The following PFKFB4 variants were observed in gnomAD, a reference collection of about 807,000 sequenced individuals.
The protein encoded by PFKFB4 is 6-phosphofructo-2-kinase/fructose-2,6-bisphosphatase 4.
In PFKFB4, 42 loss-of-function variants were observed where a neutral mutation model predicts 62.8. The ratio of observed to expected loss-of-function variants is 0.67; its 90% confidence interval spans 0.52 to 0.86. The LOEUF (loss-of-function observed/expected upper bound fraction) is 0.86, where lower values mean the gene tolerates loss of function less well. Among genes scored for constraint, PFKFB4 ranks in the 40% least tolerant of loss-of-function variants. The pLI, the probability that PFKFB4 is intolerant of heterozygous loss-of-function variation, is 0.00. For missense variants in PFKFB4, 475 were observed against 627.2 expected (o/e 0.76, Z 2.59); for synonymous variants, 204 against 240.7 (o/e 0.85, Z 1.41).
intron 9 of PFKFB4, among the ~76,000 whole-genome samples, chr3:48,527,792 A>G (rs1029398804): frequency 2.0e-5 from 3 of 151,540 alleles, no homozygotes; most frequent in African/African-American, 7.3e-5. Flanking sequence ...TGTTTAAACA[A>G]TTCTCCTGCC....
At chr3:48,527,714 G>A (rs1394257219) in intron 9 of PFKFB4, among the ~76,000 whole-genome samples, 3 of 147,284 alleles carry the variant, frequency 2.0e-5, no homozygotes, top group African/African-American at 7.6e-5. Context: ...TTGAGACAGG[G>A]TCTCACTCTG....
upstream of PFKFB4, among the ~76,000 whole-genome samples, chr3:48,557,271 G>A (rs2043353574): frequency 6.6e-6 from 1 of 152,194 alleles, no homozygotes; most frequent in Non-Finnish European, 1.5e-5. Context: ...TTCATGCAGT[G>A]GGACGAGGCC....
intron 3 of PFKFB4, among the ~76,000 whole-genome samples, chr3:48,545,636 GTTT>G (rs371126898): frequency 7.1e-5 from 10 of 141,832 alleles, no homozygotes; most frequent in Admixed American, 5.6e-4. Context: ...TCTTTCTTTT[GTTT>G]TTTTTTTTTA....
intron 3 of PFKFB4, chr3:48,548,059 T>C (rs916633184): frequency 5.3e-5 from 8 of 152,178 alleles, no homozygotes; most frequent in Non-Finnish European, 1.2e-4. Context: ...CCAGCTTCTG[T>C]TGCAGGGTGA....
chr3:48,536,088 G>GA, intron 8 of PFKFB4, among the ~76,000 whole-genome samples, 168 bp downstream of exon 8: 1 of 152,344 alleles, frequency 6.6e-6, no homozygotes, highest in Non-Finnish European at 1.5e-5. Context: ...GTTGCTTGAT[G>GA]ACCTTCCCTA....
chr3:48,543,798 G>T (rs1333686300), intron 3 of PFKFB4, 152 bp from the exon 4 acceptor site: 2 of 681,658 alleles, frequency 2.9e-6, no homozygotes, highest in Admixed American at 4.4e-5. Context: ...CTTTCCTTAG[G>T]ATAATGTTCA....
rs1468833177 is a variant in PFKFB4, at chr3:48,517,901, A to C, written c.*1846T>G. On this transcript the variant is annotated 3_prime_UTR_variant, in exon 14 of 14. Coordinates refer to ENST00000232375, the MANE Select transcript of PFKFB4 (RefSeq NM_004567.4). ...GGGGGTTGCCCCCACTCATGCCCTGATCCCTGGATGTCCCTCTACCCTGTC... is the reference window on the plus strand; with the variant it reads ...GGGGGTTGCCCCCACTCATGCCCTGCTCCCTGGATGTCCCTCTACCCTGTC... The C allele has an allele frequency of 6.6e-6, 1 of 152,564 alleles. No individual in the cohort carries two copies. The highest frequency in any genetic ancestry group is 1.5e-5 in the Non-Finnish European group (1 of 68,116). 9.5% of individuals were successfully genotyped at this position (152,564 alleles called of 1,614,324 possible). A position where few individuals can be genotyped will look rare whatever the true frequency, so the allele number is the denominator to read the frequency against.
At chr3:48,555,872 T>TG (rs923639021) in intron 1 of PFKFB4, among the ~76,000 whole-genome samples, 1 of 151,880 alleles carries the variant, frequency 6.6e-6, no homozygotes, top group African/African-American at 2.4e-5. Context: ...CCACTGCACT[T>TG]GCTCCAGCTT....
intron 1 of PFKFB4, 139 bp from the exon 2 acceptor site, chr3:48,550,373 C>T: frequency 1.5e-6 from 1 of 657,000 alleles, no homozygotes; most frequent in Non-Finnish European, 2.7e-6. Context: ...CATCCCCACA[C>T]AGCTCCTGGA....
At chr3:48,559,394 A>C, upstream of PFKFB4, 1 of 392,980 alleles carries the variant, frequency 2.5e-6, no homozygotes, top group Admixed American at 2.7e-5. Context: ...GAAGAGGGAG[A>C]AGGGTCCAAG....
intron 7 of PFKFB4, among the ~76,000 whole-genome samples, chr3:48,537,067 A>G (rs989860322): frequency 3.3e-5 from 5 of 152,242 alleles, no homozygotes; most frequent in Admixed American, 6.5e-5. Context: ...GTGGCAGCCG[A>G]TAAGTCCAGC....
chr3:48,523,767 C>T lies in PFKFB4; in HGVS notation c.1156G>A (p.Val386Met). The T allele has an allele frequency of 6.2e-7, 1 of 1,614,206 alleles. No individual in the cohort carries two copies. Among genetic ancestry groups the T allele is most frequent in the Non-Finnish European group, 8.5e-7 (1 of 1,180,022 alleles). The change falls in exon 11 of 14, where the codon GTG becomes ATG. Residue 386 changes from valine to methionine, a missense_variant. Val to Met is a conservative substitution (Grantham distance 21, BLOSUM62 1). Transcript: ENST00000232375. ...ACAGCCTGGTGGCAGATGACCAGCA[C>T]ATTCTCTTGCCTCTCCAGCTCCATG... is the stretch of plus-strand genomic sequence containing the variant. Reference protein sequence around the residue: ...VIMELERQENVLVICHQAVMR... With the variant: ...VIMELERQENMLVICHQAVMR...
rs1027494115 is a variant in PFKFB4, at chr3:48,556,072, A to G, written c.97+609T>C. 1.3e-5 allele frequency: 6 copies of G among 456,618 alleles called. No individual in the cohort carries two copies. The highest frequency in any genetic ancestry group is 1.0e-4 in the African/African-American group (5 of 50,064). 28.3% of individuals were successfully genotyped at this position (456,618 alleles called of 1,614,324 possible). ...AGTTTTACTGTACACCCATGACCCC[A>G]GGTGGATACTTACATGTCCCGGGAC... On this transcript the variant is annotated intron_variant, in intron 1 of 13. Transcript: ENST00000232375. The surrounding 1 kb of genome is among the most constrained non-coding windows in gnomAD (Gnocchi z 5.7).
At chr3:48,525,703 A>G (rs776971870) in intron 9 of PFKFB4, 34 bp from the exon 10 acceptor site, 1 of 1,252,330 alleles carries the variant, frequency 8.0e-7, no homozygotes, top group Non-Finnish European at 1.1e-6. Flanking sequence ...CACCTCCTAC[A>G]GGCCCAGAAG....
At chr3:48,561,040 T>A, upstream of PFKFB4, 1 of 1,274,090 alleles carries the variant, frequency 7.8e-7, no homozygotes, top group Non-Finnish European at 1.0e-6. This position sits in a 1 kb window ranked among gnomAD's most constrained non-coding sequence, Gnocchi z 5.2. Flanking sequence ...CCCCACGCTG[T>A]CCCGTGCCTA....
At chr3:48,549,682 TTGTCACACAGCCC>T (rs1037908483) in intron 3 of PFKFB4, among the ~76,000 whole-genome samples, 169 bp downstream of exon 3, 2 of 148,306 alleles carry the variant, frequency 1.3e-5, no homozygotes, top group Non-Finnish European at 3.0e-5. Context: ...GAGACCAGCC[TTGTCACACAGCCC>T]TGTCACACAG....
At chr3:48,559,823 CAGTTCTCAA>C, upstream of PFKFB4, 1 of 344,462 alleles carries the variant, frequency 2.9e-6, no homozygotes, top group Non-Finnish European at 5.8e-6. Flanking sequence ...ATGTGGTGGC[CAGTTCTCAA>C]AGCTCAAACT....
At position 48,556,770 on chromosome 3, in the gene PFKFB4, G is replaced by T; in HGVS notation, c.8C>A (p.Ser3Tyr). 6.2e-7 allele frequency: 1 copy of T among 1,600,386 alleles called. No homozygotes were observed. Among genetic ancestry groups the T allele is most frequent in the Non-Finnish European group, 8.5e-7 (1 of 1,173,794 alleles). ...GGGGTTCTGTGTCAATTCCCGTGGGGACGCCATCCCGGGGCCGGGATGAGT... is the reference window on the plus strand; with the variant it reads ...GGGGTTCTGTGTCAATTCCCGTGGGTACGCCATCCCGGGGCCGGGATGAGT... MA[S>Y]PRELTQNPLK... The change falls in exon 1 of 14, where the codon TCC (serine) becomes TAC (tyrosine). Residue 3 changes from serine to tyrosine, a missense_variant. Ser to Tyr is a moderately radical substitution (Grantham distance 144). Coordinates refer to ENST00000232375, the MANE Select transcript of PFKFB4 (RefSeq NM_004567.4). This position sits in a 1 kb window ranked among gnomAD's most constrained non-coding sequence, Gnocchi z 5.7.
chr3:48,540,183 G>A (rs1317196608), intron 4 of PFKFB4, among the ~76,000 whole-genome samples: 2 of 152,178 alleles, frequency 1.3e-5, no homozygotes, highest in East Asian at 1.9e-4. Context: ...CCAGTAAAAT[G>A]GGAACAGAAG....
Sources: allele counts gnomAD v4.1 joint callset (sites outside exome capture counted in the v4.1 genomes callset), GRCh38; gene constraint gnomAD v4.1.1; non-coding constraint Gnocchi (gnomAD v3.1); transcripts MANE v1.5; gene names NCBI Gene and HGNC (gene_info 2026-07-23, HGNC 2026-07-21).